NLRP5: variants seen among roughly 807,000 people sequenced by gnomAD.
The protein encoded by NLRP5 is NLR family pyrin domain containing 5.
NLRP5 carries 93 observed loss-of-function variants against 113.1 expected under a neutral mutation model. That is an observed-to-expected ratio of 0.82 (90% CI 0.70 to 0.98). NLRP5 has a LOEUF of 0.98. Among genes scored for constraint, NLRP5 ranks in the 50% least tolerant of loss-of-function variants. The probability of loss-of-function intolerance (pLI) is 0.00; values close to 1 mark genes in which losing one functional copy is unlikely to be tolerated. For synonymous variants in NLRP5, 751 were observed against 600.7 expected (o/e 1.25, Z -3.66); for missense variants, 1,808 against 1,514.3 (o/e 1.19, Z -3.22).
rs573869856 is a variant in NLRP5 at position 56,004,919 on chromosome 19, C to T, written c.442+824C>T. 1.7e-4 allele frequency among the ~76,000 whole-genome samples: 26 copies of T among 151,478 alleles called. No homozygotes were observed. In the South Asian group the frequency reaches 5.0e-3, roughly 29 times the overall value. ...ACCAGCCTGGCCAACATGGAGAAAC[C>T]CCGTCTCTACTAGAAATACAAAAAA... On this transcript the variant is annotated intron_variant, in intron 2 of 14. Coordinates refer to ENST00000390649, the MANE Select transcript of NLRP5 (RefSeq NM_153447.4).
At chr19:56,052,267 T>C (rs544163994) in intron 12 of NLRP5, among the ~76,000 whole-genome samples, 6 of 152,110 alleles carry the variant, frequency 3.9e-5, no homozygotes, top group African/African-American at 1.2e-4. Context: ...GTTTTTGTTT[T>C]TGTTTCTGTT....
At chr19:56,026,791 G>T (rs1982869878) in intron 6 of NLRP5, 122 bp from the exon 7 acceptor site, 22 of 990,158 alleles carry the variant, frequency 2.2e-5, no homozygotes, top group South Asian at 1.9e-4. Context: ...GACCAGGCTG[G>T]TCTCAAACTC....
At position 56,015,785 on chromosome 19, in the gene NLRP5, G is replaced by C; in HGVS notation, c.552G>C (p.Glu184Asp). Residue 184 changes from glutamate to aspartate, a missense_variant, in exon 4 of 15, where the codon GAG (glutamate) becomes GAC (aspartate). Glu to Asp is a conservative substitution (Grantham distance 45). Coordinates refer to ENST00000390649, the MANE Select transcript of NLRP5 (RefSeq NM_153447.4). ...AACAAGATAGTGCCACAGCTGCAGA[G>C]ACAAAAGAACAAGGTGAATGAAATA... is the stretch of plus-strand genomic sequence containing the variant. 1 of 1,570,138 alleles carries C rather than the reference G, an allele frequency of 6.4e-7. No homozygotes were observed. Among genetic ancestry groups the C allele is most frequent in the Non-Finnish European group, 8.6e-7 (1 of 1,156,264 alleles).
chr19:56,022,252 CTG>C (rs1982644020), intron 6 of NLRP5, among the ~76,000 whole-genome samples: 1 of 152,174 alleles, frequency 6.6e-6, no homozygotes, highest in Non-Finnish European at 1.5e-5. Flanking sequence ...CAGGGTCTTG[CTG>C]TGTCGCCCAG....
rs112913740 is a variant in NLRP5, at chr19:56,025,262, C to T, written c.680-1651C>T. On this transcript the variant is annotated intron_variant, in intron 6 of 14. Transcript: ENST00000390649. ...ATCTCAAAACCACCCCCTTCCACCC[C>T]GGTGTGTGGAAAAATTGTCTTCCAC... is the stretch of plus-strand genomic sequence containing the variant. 9.8e-3 allele frequency among the ~76,000 whole-genome samples: 1,486 copies of T among 152,276 alleles called. 25 individuals are homozygous for T. Among genetic ancestry groups the T allele is most frequent in the African/African-American group, 0.033 (1,352 of 41,558 alleles).
chr19:56,023,565 CGT>C (rs1271940683), intron 6 of NLRP5, among the ~76,000 whole-genome samples: 3 of 151,998 alleles, frequency 2.0e-5, no homozygotes, highest in African/African-American at 4.8e-5. Flanking sequence ...GTGTAGACAT[CGT>C]GTTAGATATT....
At chr19:56,012,680 C>T (rs994985075) in intron 3 of NLRP5, among the ~76,000 whole-genome samples, 2 of 151,154 alleles carry the variant, frequency 1.3e-5, no homozygotes, top group Non-Finnish European at 2.9e-5. Flanking sequence ...TTCCTTGGAA[C>T]GATCTTACAA....
chr19:56,039,082 ATCCC>A (rs1193367213), intron 10 of NLRP5, among the ~76,000 whole-genome samples: 1 of 152,128 alleles, frequency 6.6e-6, no homozygotes, highest in East Asian at 1.9e-4. Context: ...CAGCGCTAAA[ATCCC>A]TCCAACCCTT....
At chr19:56,026,394 G>A (rs954566283) in intron 6 of NLRP5, among the ~76,000 whole-genome samples, 2 of 151,298 alleles carry the variant, frequency 1.3e-5, no homozygotes, top group Non-Finnish European at 2.9e-5. Context: ...TGGGCGTGGT[G>A]GCAGGCACCT....
chr19:56,058,986 C>T (rs948774617), intron 14 of NLRP5, among the ~76,000 whole-genome samples: 7 of 151,994 alleles, frequency 4.6e-5, no homozygotes, highest in Non-Finnish European at 8.8e-5. Context: ...GATTCTACCT[C>T]GAAGAGGTAC....
At chr19:56,011,571 C>T (rs909377738) in intron 3 of NLRP5, among the ~76,000 whole-genome samples, 1 of 152,034 alleles carries the variant, frequency 6.6e-6, no homozygotes, top group African/African-American at 2.4e-5. Flanking sequence ...CGTATGACGA[C>T]TACAAAGCCC....
intron 4 of NLRP5, among the ~76,000 whole-genome samples, chr19:56,018,414 A>G (rs559297531): frequency 6.6e-6 from 1 of 152,318 alleles, no homozygotes; most frequent in East Asian, 1.9e-4. Context: ...TAGCTACTAT[A>G]TGCCAGAGGC....
At chr19:56,007,865 C>G (rs1376968461) in intron 2 of NLRP5, among the ~76,000 whole-genome samples, 3 of 128,618 alleles carry the variant, frequency 2.3e-5, no homozygotes, top group Non-Finnish European at 5.0e-5. Context: ...GTGTACAAGA[C>G]AGTTTGTGTG....
At chr19:56,048,984 T>G (rs1185796293) in intron 11 of NLRP5, among the ~76,000 whole-genome samples, 1 of 132,272 alleles carries the variant, frequency 7.6e-6, no homozygotes, top group African/African-American at 2.9e-5. Flanking sequence ...TTTTAATTTT[T>G]TTTTTTTTTT....
chr19:55,999,589 C>A (rs1488881408), upstream of NLRP5: 3 of 702,144 alleles, frequency 4.3e-6, no homozygotes, highest in Admixed American at 1.9e-5. Flanking sequence ...ATGCTCTGTG[C>A]CAGCCCTTCC....
chr19:56,012,554 G>C (rs1042859377), intron 3 of NLRP5, among the ~76,000 whole-genome samples: 20 of 124,854 alleles, frequency 1.6e-4, no homozygotes, highest in Admixed American at 5.5e-4. Context: ...CCATAATCCA[G>C]TCTTAGGACA....
At chr19:56,003,188 C>T (rs1271637875) in intron 1 of NLRP5, among the ~76,000 whole-genome samples, 1 of 152,138 alleles carries the variant, frequency 6.6e-6, no homozygotes, top group Non-Finnish European at 1.5e-5. Context: ...GAGTTTCACT[C>T]TTGTCCAGGC....
rs375419519 is a variant in NLRP5 at position 56,039,203 on chromosome 19, G to T, written c.2786+1008G>T. Among the ~76,000 whole-genome samples, 17 of 152,334 alleles carry T rather than the reference G, an allele frequency of 1.1e-4. No homozygotes were observed. In the South Asian group the frequency reaches 2.1e-3, roughly 19 times the overall value. The stretch of plus-strand genomic sequence containing the variant: ...TGTGTCACTTGTCCACAGTTGGACG[G>T]TGCTCAGATGGTGATGCCGGGAGTC... On this transcript the variant is annotated intron_variant, in intron 10 of 14. Transcript: ENST00000390649.
rs754819640 is a variant in NLRP5 at position 56,003,553 on chromosome 19, C to T, written c.63-163C>T. Among the ~76,000 whole-genome samples the T allele has an allele frequency of 9.8e-4, 149 of 152,182 alleles. 1 individual carries two copies. The highest frequency in any genetic ancestry group is 3.2e-4 in the Non-Finnish European group (22 of 68,038). ...GCTGTTTGGGAACTAAGGGTACAGA[C>T]AACAAAATGTCCCAGCACTGATGTC... On this transcript the variant is annotated intron_variant, in intron 1 of 14. Coordinates refer to ENST00000390649, the MANE Select transcript of NLRP5 (RefSeq NM_153447.4).
Sources: gnomAD v4.1 joint callset for allele counts (sites outside exome capture counted in the v4.1 genomes callset) on GRCh38, gnomAD v4.1.1 for gene constraint, MANE v1.5 for transcripts, NCBI Gene and HGNC (gene_info 2026-07-23, HGNC 2026-07-21) for gene names.